The following BNC2 variants were observed in gnomAD, a reference collection of about 807,000 sequenced individuals.
BNC2 encodes the protein basonuclin zinc finger protein 2, also known as zinc finger protein basonuclin-2.
BNC2 carries 20 observed loss-of-function variants against 76.3 expected under a neutral mutation model. That is an observed-to-expected ratio of 0.26 (90% CI 0.18 to 0.38). The LOEUF is 0.38. Among genes scored for constraint, BNC2 ranks in the 10% least tolerant of loss-of-function variants. The probability of loss-of-function intolerance (pLI) is 1.00; values close to 1 mark genes in which losing one functional copy is unlikely to be tolerated. For missense variants in BNC2, 1,382 were observed against 1,399.8 expected, an observed-to-expected ratio of 0.99 and a Z score of 0.20; for synonymous variants, 582 against 514.8, an observed-to-expected ratio of 1.13 and a Z score of -1.77.
intron 5 of BNC2, among the ~76,000 whole-genome samples, chr9:16,457,879 ATTG>A (rs1821488899): frequency 6.6e-6 from 1 of 152,008 alleles, no homozygotes. Flanking sequence ...ACACCTTCCC[ATTG>A]TTGTTTCAGA....
intron 3 of BNC2, among the ~76,000 whole-genome samples, chr9:16,676,935 G>A (rs898057275): frequency 6.6e-6 from 1 of 152,102 alleles, no homozygotes; most frequent in Admixed American, 6.5e-5. Flanking sequence ...TACAGAAGGC[G>A]AATTAAGAAA....
chr9:16,821,075 A>C (rs1055698669), intron 1 of BNC2, among the ~76,000 whole-genome samples: 13 of 152,070 alleles, frequency 8.5e-5, no homozygotes, highest in Admixed American at 8.5e-4. Flanking sequence ...TCTACTAAAA[A>C]TACAAAAATT....
intron 1 of BNC2, among the ~76,000 whole-genome samples, chr9:16,791,792 TA>T (rs2135668470): frequency 6.6e-6 from 1 of 152,198 alleles, no homozygotes; most frequent in African/African-American, 2.4e-5. Context: ...GAAAATAGAT[TA>T]AAAAGTACTT....
At chr9:16,459,658 A>T (rs1361124846) in intron 5 of BNC2, among the ~76,000 whole-genome samples, 1 of 152,210 alleles carries the variant, frequency 6.6e-6, no homozygotes, top group Non-Finnish European at 1.5e-5. Context: ...ACAGCATGCA[A>T]ACAGCAGCTG....
At chr9:16,770,291 C>T (rs1825800426) in intron 1 of BNC2, among the ~76,000 whole-genome samples, 1 of 152,146 alleles carries the variant, frequency 6.6e-6, no homozygotes, top group South Asian at 2.1e-4. Flanking sequence ...GCTGATTGTG[C>T]TCTTTCTATT....
intron 1 of BNC2, among the ~76,000 whole-genome samples, chr9:16,869,619 A>G (rs1420929793): frequency 6.6e-6 from 1 of 152,214 alleles, no homozygotes; most frequent in East Asian, 1.9e-4. Context: ...GGGGGTAACA[A>G]TAGCGACGCT....
intron 3 of BNC2, among the ~76,000 whole-genome samples, chr9:16,643,954 T>C (rs1821557289): frequency 6.6e-6 from 1 of 152,122 alleles, no homozygotes; most frequent in Non-Finnish European, 1.5e-5. Flanking sequence ...CAGAAGAACC[T>C]ATGGGAGGTG....
intron 5 of BNC2, among the ~76,000 whole-genome samples, chr9:16,501,394 G>C (rs1322192394): frequency 6.6e-6 from 1 of 152,142 alleles, no homozygotes; most frequent in Non-Finnish European, 1.5e-5. Context: ...TGATACCAAT[G>C]CTTTTTATAT....
At chr9:16,421,378 C>T (rs1219028238) in intron 6 of BNC2, 1 of 868,798 alleles carries the variant, frequency 1.2e-6, no homozygotes, top group African/African-American at 1.8e-5. Context: ...AACAAATTCA[C>T]ATTCTAGACA....
chr9:16,783,474 G>A (rs1826205764), intron 1 of BNC2, among the ~76,000 whole-genome samples: 3 of 152,184 alleles, frequency 2.0e-5, no homozygotes, highest in Admixed American at 2.0e-4. Flanking sequence ...TTATGTTATA[G>A]CTACGCTTAC....
rs1043237622 is a variant in BNC2, at chr9:16,818,391, G to A, written c.3+52255C>T. On this transcript the variant is annotated intron_variant, in intron 1 of 6. Transcript: ENST00000380672. Reference sequence around the variant, plus strand: ...TGCACTCCAGCCTGGGCAACAAAGCGAGACTCCGTCTCAAAAAAAAATTAA... The same window carrying A: ...TGCACTCCAGCCTGGGCAACAAAGCAAGACTCCGTCTCAAAAAAAAATTAA... Among the ~76,000 whole-genome samples, 4 of 152,212 alleles carry A rather than the reference G, an allele frequency of 2.6e-5. No homozygotes were observed. The South Asian group carries it at 6.2e-4, about 24-fold the overall frequency.
At chr9:16,635,914 C>T (rs997365739) in intron 3 of BNC2, among the ~76,000 whole-genome samples, 4 of 152,076 alleles carry the variant, frequency 2.6e-5, no homozygotes, top group Admixed American at 2.0e-4. Flanking sequence ...GTGGTGAGGG[C>T]AGGGGACAAA....
intron 1 of BNC2, among the ~76,000 whole-genome samples, chr9:16,744,920 A>C (rs7035033): frequency 0.86 from 130,986 of 152,218 alleles, 56,755 homozygotes; most frequent in Non-Finnish European, 0.91. Context: ...CATCCTTTAT[A>C]GTGTTATTTA....
intron 3 of BNC2, among the ~76,000 whole-genome samples, chr9:16,664,104 G>C (rs1274544921): frequency 1.3e-5 from 2 of 151,906 alleles, no homozygotes; most frequent in East Asian, 3.9e-4. Context: ...TATTCCTCCT[G>C]TTTCCCAATG....
At chr9:16,679,063 A>T (rs1822745703) in intron 3 of BNC2, among the ~76,000 whole-genome samples, 1 of 152,174 alleles carries the variant, frequency 6.6e-6, no homozygotes, top group Non-Finnish European at 1.5e-5. Flanking sequence ...ACTGTCCTCC[A>T]AGCTGCACTA....
chr9:16,412,723 GAGA>G lies in BNC2; in HGVS notation c.*6263_*6265del, dbSNP rs1563769978. ...AAGAGGGAAGGAGAGAGAGAGGGGA[GAGA>G]GAGAGAGAGAGAGAGAGAGAGAGAG... On this transcript the variant is annotated 3_prime_UTR_variant, in exon 7 of 7. Transcript: ENST00000380672. 1.1e-4 allele frequency: 2 copies of G among 18,502 alleles called. No homozygotes were observed. Among genetic ancestry groups the G allele is most frequent in the South Asian group, 3.4e-3 (1 of 290 alleles). 1.1% of individuals were successfully genotyped at this position (18,502 alleles called of 1,614,324 possible). A position where few individuals can be genotyped will look rare whatever the true frequency, so the allele number is the denominator to read the frequency against.
At chr9:16,617,664 T>C (rs1359646242) in intron 3 of BNC2, among the ~76,000 whole-genome samples, 1 of 152,198 alleles carries the variant, frequency 6.6e-6, no homozygotes, top group African/African-American at 2.4e-5. Flanking sequence ...GGGTTAGGTT[T>C]CACTAATGGT....
intron 3 of BNC2, among the ~76,000 whole-genome samples, chr9:16,676,375 A>G (rs1822643251): frequency 1.3e-5 from 2 of 152,226 alleles, no homozygotes; most frequent in Admixed American, 1.3e-4. Context: ...GCGTAATTCT[A>G]TTTAAGCCAA....
chr9:16,498,649 A>G (rs146542579), intron 5 of BNC2, among the ~76,000 whole-genome samples: 165 of 151,854 alleles, frequency 1.1e-3, no homozygotes, highest in African/African-American at 3.8e-3. Flanking sequence ...CTGTACCCCA[A>G]TAACTTATAG....
Sources: gnomAD v4.1 joint callset for allele counts (sites outside exome capture counted in the v4.1 genomes callset) on GRCh38, gnomAD v4.1.1 for gene constraint, MANE v1.5 for transcripts, NCBI Gene and HGNC (gene_info 2026-07-23, HGNC 2026-07-21) for gene names.